C6orf136: variants seen among roughly 807,000 people sequenced by gnomAD.
The protein encoded by C6orf136 is chromosome 6 open reading frame 136.
Under a neutral mutation model 44.0 loss-of-function variants are expected in C6orf136, and 29 were observed. The ratio of observed to expected loss-of-function variants is 0.66; its 90% CI spans 0.49 to 0.90. C6orf136 has a LOEUF of 0.90. C6orf136 is among the 40% of genes least tolerant of loss of function. The pLI is 0.00. For synonymous variants in C6orf136, 293 were observed against 278.6 expected, an observed-to-expected ratio of 1.05 and a Z score of -0.52; for missense variants, 628 against 669.3, an observed-to-expected ratio of 0.94 and a Z score of 0.68.
In C6orf136 at chr6:30,647,843, C is replaced by G. The variant is rs1767014178; in HGVS notation, c.612C>G (p.Thr204=). 2.7e-6 allele frequency: 4 copies of G among 1,480,698 alleles called. No individual in the cohort carries two copies. The highest frequency in any genetic ancestry group is 2.6e-5 in the East Asian group (1 of 38,832). The allele number at this position is 1,480,698 out of a possible 1,614,324, so 91.7% of individuals were successfully genotyped here. ...GCGCCTCTAGGACACCATCGGGGAC[C>G]GAGGTACCCGAGCGGTCCGCCCGCC... ...RDGASRTPSG[T]EDQLYPGTLP... Residue 204 remains threonine, a synonymous_variant, in exon 1 of 6, where the codon ACC becomes ACG. Transcript: ENST00000651131. The surrounding 1 kb of genome is among the most constrained non-coding windows in gnomAD (Gnocchi z 4.8).
chr6:30,652,945 A>G lies in C6orf136; in HGVS notation c.*30A>G. On this transcript the variant is annotated 3_prime_UTR_variant, in exon 6 of 6. Transcript: ENST00000651131. Reference sequence around the variant, plus strand: ...TGACCTTGGAGTGGAGGCAGCACTGAAGACTGCTACGCCCAAGAGAAGGAG... The same window carrying G: ...TGACCTTGGAGTGGAGGCAGCACTGGAGACTGCTACGCCCAAGAGAAGGAG... 1 of 1,578,032 alleles carries G rather than the reference A, an allele frequency of 6.3e-7. No homozygotes were observed. The highest frequency in any genetic ancestry group is 1.7e-5 in the Admixed American group (1 of 59,940).
intron 1 of C6orf136, among the ~76,000 whole-genome samples, chr6:30,648,652 G>C (rs553208118): frequency 4.0e-5 from 6 of 148,740 alleles, no homozygotes; most frequent in South Asian, 4.3e-4. Context: ...CGCCCGCCTC[G>C]GCTTCCCAAA....
Position 30,649,576 on chromosome 6 carries a change from A to T in C6orf136, c.634A>T (p.Thr212Ser). ...SGTEDQLYPG[T>S]LPFPPLWPHS... is the part of the protein sequence containing the mutation. The stretch of plus-strand genomic sequence containing the variant: ...TCCTTAGGACCAGCTTTATCCAGGG[A>T]CTCTACCATTCCCACCCCTTTGGCC... Residue 212 changes from threonine (T) to serine (S), a missense_variant, in exon 2 of 6, where the codon ACT becomes TCT. Physicochemically the swap from Thr to Ser is moderately conservative, Grantham distance 58. This residue lies in a region of C6orf136 where 497 missense variants were observed against 469.2 expected (regional missense o/e 1.06). Coordinates refer to ENST00000651131, the MANE Select transcript of C6orf136 (RefSeq NM_001161376.2). The T allele has an allele frequency of 6.3e-7, 1 of 1,583,456 alleles. No individual in the cohort carries two copies. Among genetic ancestry groups the T allele is most frequent in the Non-Finnish European group, 8.5e-7 (1 of 1,172,352 alleles).
Position 30,649,560 on chromosome 6 carries a change from C to G in C6orf136, c.618C>G (p.Asp206Glu). 1.9e-6 allele frequency: 3 copies of G among 1,579,924 alleles called. No individual in the cohort carries two copies. Among genetic ancestry groups the G allele is most frequent in the Non-Finnish European group, 2.6e-6 (3 of 1,171,484 alleles). Residue 206 changes from aspartate to glutamate, a missense_variant and splice_region_variant, in exon 2 of 6, where the codon GAC becomes GAG. Coordinates refer to ENST00000651131, the MANE Select transcript of C6orf136 (RefSeq NM_001161376.2). The stretch of plus-strand genomic sequence containing the variant: ...TCCCTTCTGTTCTTTCTCCTTAGGA[C>G]CAGCTTTATCCAGGGACTCTACCAT... ...GASRTPSGTE[D>E]QLYPGTLPFP... is the part of the protein sequence containing the mutation.
At position 30,653,006 on chromosome 6, in the gene C6orf136, TCTC is replaced by T. The variant is rs1379115219; in HGVS notation, c.*95_*97del. Reference sequence around the variant, plus strand: ...CCAAGAATCTCAGGAGCCAGCTTCCTCTCCTCGTTTCTCTCCTTCCTTCCTTTC... The same window carrying T: ...CCAAGAATCTCAGGAGCCAGCTTCCTCTCGTTTCTCTCCTTCCTTCCTTTC... On this transcript the variant is annotated 3_prime_UTR_variant, in exon 6 of 6. Transcript: ENST00000651131. 5 of 1,212,080 alleles carry T rather than the reference TCTC, an allele frequency of 4.1e-6. No individual in the cohort carries two copies. The highest frequency in any genetic ancestry group is 6.0e-6 in the Non-Finnish European group (5 of 838,256). The allele number at this position is 1,212,080 out of a possible 1,614,324, so 75.1% of individuals were successfully genotyped here.
intron 2 of C6orf136, among the ~76,000 whole-genome samples, chr6:30,650,735 A>T (rs561397540): frequency 6.6e-6 from 1 of 150,702 alleles, no homozygotes; most frequent in Non-Finnish European, 1.5e-5. Context: ...GTGAGCCGAG[A>T]TTGTACCTCT....
chr6:30,649,404 A>T (rs558471592), intron 1 of C6orf136, among the ~76,000 whole-genome samples, 154 bp from the exon 2 acceptor site: 1 of 152,214 alleles, frequency 6.6e-6, no homozygotes, highest in Non-Finnish European at 1.5e-5. Flanking sequence ...TGTTTTCAGT[A>T]GAGATGGAGA....
chr6:30,650,671 T>A lies in C6orf136; in HGVS notation c.1018-323T>A, dbSNP rs148678301. Among the ~76,000 whole-genome samples the A allele has an allele frequency of 9.6e-3, 1,461 of 152,162 alleles. 21 individuals carry two copies. The highest frequency in any genetic ancestry group is 0.033 in the African/African-American group (1,361 of 41,514). The stretch of plus-strand genomic sequence containing the variant: ...GGTGGTGGGTGCCTGTAATCCCAGC[T>A]ACTCGGGAGGCTGAGGCAGGAGAAT... On this transcript the variant is annotated intron_variant, in intron 2 of 5. Transcript: ENST00000651131.
chr6:30,652,367 TAAATTGTTAG>T (rs1466724774), intron 4 of C6orf136, among the ~76,000 whole-genome samples: 1 of 152,096 alleles, frequency 6.6e-6, no homozygotes, highest in Non-Finnish European at 1.5e-5. Context: ...AGAATCCCAA[TAAATTGTTAG>T]ACTCAGCCAC....
rs559519679 is a variant in C6orf136 at position 30,647,249 on chromosome 6, G to T, written c.18G>T (p.Arg6=). The T allele has an allele frequency of 1.3e-6, 2 of 1,596,312 alleles. No homozygotes were observed. Among genetic ancestry groups the T allele is most frequent in the Admixed American group, 3.4e-5 (2 of 58,008 alleles). MYQPS[R]GAARRLGPCL... Reference sequence around the variant, plus strand: ...GGAAGATCATGTACCAGCCCAGCCGGGGTGCGGCCCGGCGTCTCGGCCCTT... The same window carrying T: ...GGAAGATCATGTACCAGCCCAGCCGTGGTGCGGCCCGGCGTCTCGGCCCTT... The change falls in exon 1 of 6, where the codon CGG becomes CGT. Residue 6 remains arginine, a synonymous_variant. Coordinates refer to ENST00000651131, the MANE Select transcript of C6orf136 (RefSeq NM_001161376.2). The surrounding 1 kb of genome is among the most constrained non-coding windows in gnomAD (Gnocchi z 4.8).
At chr6:30,652,468 T>G in intron 4 of C6orf136, 180 bp from the exon 5 acceptor site, 1 of 647,030 alleles carries the variant, frequency 1.5e-6, no homozygotes, top group Non-Finnish European at 2.8e-6. Flanking sequence ...TAAAAAATAT[T>G]GACGCCAAAC....
In C6orf136 at chr6:30,649,878, C is replaced by G; in HGVS notation, c.936C>G (p.Ala312=). ...AWIPFQVPGT[A]HPSPATPSGD... is the part of the protein sequence containing the mutation. ...TACCTTTCCAAGTCCCTGGAACTGC[C>G]CACCCTTCCCCTGCCACCCCGTCAG... is the stretch of plus-strand genomic sequence containing the variant. Residue 312 remains alanine (A), a synonymous_variant, in exon 2 of 6, where the codon GCC becomes GCG. Transcript: ENST00000651131. 6.2e-7 allele frequency: 1 copy of G among 1,613,906 alleles called. No homozygotes were observed. The highest frequency in any genetic ancestry group is 8.5e-7 in the Non-Finnish European group (1 of 1,179,888).
intron 4 of C6orf136, among the ~76,000 whole-genome samples, chr6:30,651,777 T>A (rs1767446921): frequency 6.6e-6 from 1 of 152,126 alleles, no homozygotes; most frequent in Non-Finnish European, 1.5e-5. Context: ...AGTGCTGAGA[T>A]TACAGATGAT....
At position 30,647,272 on chromosome 6, in the gene C6orf136, C is replaced by G. The variant is rs1766908981; in HGVS notation, c.41C>G (p.Pro14Arg). 6.2e-7 allele frequency: 1 copy of G among 1,600,754 alleles called. No homozygotes were observed. The highest frequency in any genetic ancestry group is 1.4e-5 in the African/African-American group (1 of 73,090). ...CGGGGTGCGGCCCGGCGTCTCGGCC[C>G]TTGCCTGCGCGCCTACCAGGCTCGA... Reference protein sequence around the residue: ...PSRGAARRLGPCLRAYQARPQ... With the variant: ...PSRGAARRLGRCLRAYQARPQ... The change falls in exon 1 of 6, where the codon CCT becomes CGT. Residue 14 changes from proline to arginine, a missense_variant. Pro to Arg is a moderately radical substitution (Grantham distance 103). Around this residue, in one of 2 missense-constraint regions of C6orf136, gnomAD observed 497 missense variants for 469.2 expected, o/e 1.06. Transcript: ENST00000651131. This position sits in a 1 kb window ranked among gnomAD's most constrained non-coding sequence, Gnocchi z 4.8.
chr6:30,649,585 T>C lies in C6orf136; in HGVS notation c.643T>C (p.Phe215Leu). Residue 215 changes from phenylalanine (F) to leucine (L), a missense_variant, in exon 2 of 6, where the codon TTC (phenylalanine) becomes CTC (leucine). Coordinates refer to ENST00000651131, the MANE Select transcript of C6orf136 (RefSeq NM_001161376.2). ...EDQLYPGTLP[F>L]PPLWPHSTTT... is the part of the protein sequence containing the mutation. Reference sequence around the variant, plus strand: ...CCAGCTTTATCCAGGGACTCTACCATTCCCACCCCTTTGGCCCCACTCCAC... The same window carrying C: ...CCAGCTTTATCCAGGGACTCTACCACTCCCACCCCTTTGGCCCCACTCCAC... 6.3e-7 allele frequency: 1 copy of C among 1,588,716 alleles called. No homozygotes were observed. Among genetic ancestry groups the C allele is most frequent in the Non-Finnish European group, 8.5e-7 (1 of 1,173,722 alleles).
rs552798979 is a variant in C6orf136, at chr6:30,652,944, G to GAAGA, written c.*30_*33dup. ...TTGACCTTGGAGTGGAGGCAGCACT[G>GAAGA]AAGACTGCTACGCCCAAGAGAAGGA... On this transcript the variant is annotated 3_prime_UTR_variant, in exon 6 of 6. Transcript: ENST00000651131. The GAAGA allele has an allele frequency of 1.2e-4, 195 of 1,579,952 alleles. 2 individuals carry two copies. In the African/African-American group the frequency reaches 2.1e-3, roughly 17 times the overall value.
intron 2 of C6orf136, among the ~76,000 whole-genome samples, chr6:30,650,762 G>T (rs745893332): frequency 6.7e-6 from 1 of 149,384 alleles, no homozygotes; most frequent in Non-Finnish European, 1.5e-5. Context: ...CAGCCTGGGC[G>T]ACAGAGCTAG....
intron 4 of C6orf136, among the ~76,000 whole-genome samples, chr6:30,652,067 A>C (rs1387147204): frequency 6.6e-6 from 1 of 151,998 alleles, no homozygotes; most frequent in African/African-American, 2.4e-5. Flanking sequence ...CCTGGCCAAC[A>C]TGGTAAAACC....
Position 30,649,925 on chromosome 6 carries a change from A to ATG in C6orf136, c.984_985insGT (p.Leu329ValfsTer9). Reference sequence around the variant, plus strand: ...TCAGGAGATCCTAGTATGGAGGAACATCTGTCTGTCATGTATGAGAGACTG... The same window carrying ATG: ...TCAGGAGATCCTAGTATGGAGGAACATGTCTGTCTGTCATGTATGAGAGACTG... On this transcript the variant is annotated frameshift_variant, in exon 2 of 6. Coordinates refer to ENST00000651131, the MANE Select transcript of C6orf136 (RefSeq NM_001161376.2). LOFTEE classifies it high-confidence loss of function. The ATG allele has an allele frequency of 6.2e-7, 1 of 1,613,886 alleles. No homozygotes were observed.
Sources: allele counts gnomAD v4.1 joint callset (sites outside exome capture counted in the v4.1 genomes callset), GRCh38; gene constraint gnomAD v4.1.1; regional missense constraint gnomAD v4.1.1; non-coding constraint Gnocchi (gnomAD v3.1); transcripts MANE v1.5; gene names NCBI Gene and HGNC (gene_info 2026-07-23, HGNC 2026-07-21).